SPTBN1: variants seen among roughly 807,000 people sequenced by gnomAD.
SPTBN1 encodes the protein spectrin beta, non-erythrocytic 1, also known as spectrin beta chain, non-erythrocytic 1.
Under a neutral mutation model 266.4 loss-of-function variants are expected in SPTBN1, and 32 were observed. The observed-to-expected ratio is 0.12, with a 90% CI of 0.09 to 0.16. SPTBN1 has a LOEUF of 0.16. Ranked by LOEUF, SPTBN1 falls within the 10% of genes least tolerant of loss-of-function variation. The pLI is 1.00. For missense variants in SPTBN1, 2,296 were observed against 3,067.1 expected (o/e 0.75, Z 5.94); for synonymous variants, 1,336 against 1,162.2 (o/e 1.15, Z -3.04).
At chr2:54,481,900 G>A (rs967384518) in intron 1 of SPTBN1, among the ~76,000 whole-genome samples, 3 of 152,160 alleles carry the variant, frequency 2.0e-5, no homozygotes, top group Admixed American at 2.0e-4. Flanking sequence ...TTTATATACT[G>A]ACAGTTATTT....
At position 54,623,488 on chromosome 2, in the gene SPTBN1, G is replaced by A. The variant is rs142936729; in HGVS notation, c.1074G>A (p.Glu358=). The change falls in exon 10 of 36, where the codon GAG becomes GAA. Residue 358 remains glutamate, a synonymous_variant. Coordinates refer to ENST00000356805, the MANE Select transcript of SPTBN1 (RefSeq NM_003128.3). ...RTVEKPPKFT[E]KGNLEVLLFT... Reference sequence around the variant, plus strand: ...TTTCCCCTGTGTTTAGATTTACTGAGAAGGGGAACTTGGAAGTGCTGCTCT... The same window carrying A: ...TTTCCCCTGTGTTTAGATTTACTGAAAAGGGGAACTTGGAAGTGCTGCTCT... 1 of 1,614,018 alleles carries A rather than the reference G, an allele frequency of 6.2e-7. No individual in the cohort carries two copies. Among genetic ancestry groups the A allele is most frequent in the Non-Finnish European group, 8.5e-7 (1 of 1,179,908 alleles).
chr2:54,659,273 C>G lies in SPTBN1; in HGVS notation c.6356+7C>G. The G allele has an allele frequency of 1.2e-6, 2 of 1,613,688 alleles. No homozygotes were observed. Among genetic ancestry groups the G allele is most frequent in the Non-Finnish European group, 1.7e-6 (2 of 1,179,762 alleles). On this transcript the variant is annotated splice_region_variant and intron_variant, in intron 31 of 35. Coordinates refer to ENST00000356805, the MANE Select transcript of SPTBN1 (RefSeq NM_003128.3). ...CCGAGTCCCAGCAGCAGTGGTGAGT[C>G]CCAGCAGCTCCAGAGGCTGGACCCT... is the stretch of plus-strand genomic sequence containing the variant.
In SPTBN1 at chr2:54,670,474, C is replaced by T. The variant is rs1681650120; in HGVS notation, c.*1905C>T. The T allele has an allele frequency of 2.6e-6, 1 of 386,034 alleles. No homozygotes were observed. Among genetic ancestry groups the T allele is most frequent in the Non-Finnish European group, 4.6e-6 (1 of 218,702 alleles). The allele number at this position is 386,034 out of a possible 1,614,324, so 23.9% of individuals were successfully genotyped here. A position where few individuals can be genotyped will look rare whatever the true frequency, so the allele number is the denominator to read the frequency against. ...TCAAAGCTTTCTCTTAACTCTCTTA[C>T]CTCTAGGCAAACTGAGACCTCACCA... On this transcript the variant is annotated 3_prime_UTR_variant, in exon 36 of 36. Coordinates refer to ENST00000356805, the MANE Select transcript of SPTBN1 (RefSeq NM_003128.3).
At chr2:54,631,749 C>A in intron 16 of SPTBN1, 138 bp downstream of exon 16, 2 of 1,125,244 alleles carry the variant, frequency 1.8e-6, no homozygotes, top group South Asian at 1.6e-5. Flanking sequence ...ATTTTTTTTT[C>A]CCCATACTCT....
intron 7 of SPTBN1, 33 bp from the exon 8 acceptor site, chr2:54,621,367 A>C (rs1326732484): frequency 6.4e-7 from 1 of 1,560,744 alleles, no homozygotes; most frequent in Non-Finnish European, 8.8e-7. Context: ...AGTAGCATGC[A>C]ACACACTGAA....
intron 2 of SPTBN1, among the ~76,000 whole-genome samples, chr2:54,586,335 ATG>A (rs1675293511): frequency 1.3e-5 from 2 of 152,212 alleles, no homozygotes; most frequent in Non-Finnish European, 2.9e-5. Flanking sequence ...TAGGTGACTC[ATG>A]TGTAATGTTC....
At chr2:54,470,544 A>T (rs1693867209) in intron 1 of SPTBN1, among the ~76,000 whole-genome samples, 2 of 152,256 alleles carry the variant, frequency 1.3e-5, no homozygotes. Flanking sequence ...GTTTTTTAGC[A>T]AGAATGGAAT....
At chr2:54,559,325 A>AG (rs970319527) in intron 2 of SPTBN1, among the ~76,000 whole-genome samples, 47 of 152,174 alleles carry the variant, frequency 3.1e-4, no homozygotes, top group African/African-American at 1.1e-3. Flanking sequence ...AAAGGGGAGG[A>AG]GGGAGGGGTC....
At position 54,625,384 on chromosome 2, in the gene SPTBN1, C is replaced by A. The variant is rs1054963675; in HGVS notation, c.1341+422C>A. On this transcript the variant is annotated intron_variant, in intron 11 of 35. Coordinates refer to ENST00000356805, the MANE Select transcript of SPTBN1 (RefSeq NM_003128.3). The stretch of plus-strand genomic sequence containing the variant: ...TAGCTTTTCAGTAAGGTACTAGATA[C>A]GAACTGGGCCCTTCTGCAAAATGAG... 1.1e-4 allele frequency among the ~76,000 whole-genome samples: 16 copies of A among 152,076 alleles called. 1 individual carries two copies. Among genetic ancestry groups the A allele is most frequent in the Non-Finnish European group, 2.4e-4 (16 of 68,022 alleles).
intron 2 of SPTBN1, among the ~76,000 whole-genome samples, chr2:54,591,834 T>C (rs977830578): frequency 1.3e-5 from 2 of 152,242 alleles, no homozygotes; most frequent in Non-Finnish European, 2.9e-5. Flanking sequence ...TGACTCACGC[T>C]AACACAGTGT....
chr2:54,581,097 TA>T (rs904355825), intron 2 of SPTBN1, among the ~76,000 whole-genome samples: 2 of 150,154 alleles, frequency 1.3e-5, no homozygotes. Context: ...GACTTAGTCT[TA>T]AAAAAAAAGA....
chr2:54,506,706 G>A (rs1037892219), intron 1 of SPTBN1, among the ~76,000 whole-genome samples: 4 of 152,112 alleles, frequency 2.6e-5, no homozygotes, highest in Admixed American at 6.5e-5. Flanking sequence ...GGAGAGTACA[G>A]TATACTTTCA....
At position 54,560,636 on chromosome 2, in the gene SPTBN1, C is replaced by T. The variant is rs149462767; in HGVS notation, c.148+34070C>T. 1.9e-3 allele frequency among the ~76,000 whole-genome samples: 295 copies of T among 152,306 alleles called. 1 individual carries two copies. The highest frequency in any genetic ancestry group is 4.5e-3 in the Admixed American group (69 of 15,294). ...AAATCCCTTCGAAAGGGGTAAGCTT[C>T]GTGTTTTGTGTGGTAGCTTTAAAAA... On this transcript the variant is annotated intron_variant, in intron 2 of 35. Transcript: ENST00000356805.
chr2:54,582,052 C>T (rs928083901), intron 2 of SPTBN1, among the ~76,000 whole-genome samples: 2 of 152,138 alleles, frequency 1.3e-5, no homozygotes, highest in African/African-American at 4.8e-5. Flanking sequence ...GAAAAAAATA[C>T]ATCTGGAAGT....
intron 1 of SPTBN1, among the ~76,000 whole-genome samples, chr2:54,514,722 G>A (rs1225713624): frequency 6.6e-6 from 1 of 152,122 alleles, no homozygotes; most frequent in African/African-American, 2.4e-5. Flanking sequence ...TGTCTTCTGA[G>A]GCTTTTTTCA....
intron 1 of SPTBN1, among the ~76,000 whole-genome samples, chr2:54,513,512 G>A (rs979685400): frequency 2.0e-5 from 3 of 152,128 alleles, no homozygotes; most frequent in Non-Finnish European, 1.5e-5. Context: ...GCAGTGAAAT[G>A]CCAAACTCAC....
At chr2:54,575,193 TTTGATCATTC>T (rs1262807783) in intron 2 of SPTBN1, among the ~76,000 whole-genome samples, 2 of 152,198 alleles carry the variant, frequency 1.3e-5, no homozygotes, top group Non-Finnish European at 2.9e-5. Context: ...GCGTTGTGTA[TTTGATCATTC>T]TTGGAGATTC....
chr2:54,649,274 A>G lies in SPTBN1; in HGVS notation c.5202+84A>G, dbSNP rs901601689. 2.1e-5 allele frequency: 30 copies of G among 1,418,548 alleles called. No individual in the cohort carries two copies. The highest frequency in any genetic ancestry group is 2.8e-5 in the African/African-American group (2 of 70,220). The allele number at this position is 1,418,548 out of a possible 1,614,324, so 87.9% of individuals were successfully genotyped here. ...ATTTGCATTCCTTGTCTGTGAGCAG[A>G]TAAAATGCCCTGGACTCCAATCAGA... is the stretch of plus-strand genomic sequence containing the variant. On this transcript the variant is annotated intron_variant, in intron 25 of 35. Coordinates refer to ENST00000356805, the MANE Select transcript of SPTBN1 (RefSeq NM_003128.3). The surrounding 1 kb of genome is among the most constrained non-coding windows in gnomAD (Gnocchi z 6.7).
intron 2 of SPTBN1, among the ~76,000 whole-genome samples, chr2:54,570,142 A>G (rs1673958828): frequency 6.6e-6 from 1 of 152,172 alleles, no homozygotes; most frequent in African/African-American, 2.4e-5. Flanking sequence ...CGCCTTTGTC[A>G]GAGAGCGCTC....
Sources: allele counts gnomAD v4.1 joint callset (sites outside exome capture counted in the v4.1 genomes callset), GRCh38; gene constraint gnomAD v4.1.1; non-coding constraint Gnocchi (gnomAD v3.1); transcripts MANE v1.5; gene names NCBI Gene and HGNC (gene_info 2026-07-23, HGNC 2026-07-21).